TENM1: variants seen among roughly 807,000 people sequenced by gnomAD.
TENM1 encodes teneurin transmembrane protein 1.
A neutral mutation model predicts 174.8 loss-of-function variants in TENM1; 35 were observed. That is an observed-to-expected ratio of 0.20 (90% CI 0.15 to 0.27). The LOEUF is 0.27. TENM1 is among the 10% of genes least tolerant of loss of function. The pLI, the probability that TENM1 is intolerant of heterozygous loss-of-function variation, is 1.00. For missense variants in TENM1, 1,633 were observed against 2,130.1 expected (o/e 0.77, Z 4.59); for synonymous variants, 781 against 798.7 (o/e 0.98, Z 0.37).
chrX:124,830,498 G>T (rs1441255190), intron 3 of TENM1, among the ~76,000 whole-genome samples: 2 of 111,472 alleles, frequency 1.8e-5, no homozygotes, highest in Non-Finnish European at 3.8e-5. Flanking sequence ...ATTAGTTATG[G>T]CAATGGCCAC....
intron 11 of TENM1, among the ~76,000 whole-genome samples, chrX:124,641,084 G>A (rs996187282): frequency 1.8e-5 from 2 of 111,086 alleles, no homozygotes; most frequent in Non-Finnish European, 3.8e-5. Context: ...AAGTACAATA[G>A]CATCTCATGA....
chrX:125,073,742 CA>C, the TENM1 span, among the ~76,000 whole-genome samples: 1 of 111,276 alleles, frequency 9.0e-6, no homozygotes, highest in Non-Finnish European at 1.9e-5. Flanking sequence ...TCCAGTTTTT[CA>C]CTTCAAGGTC....
intron 5 of TENM1, among the ~76,000 whole-genome samples, chrX:124,691,281 T>A (rs2052514732): frequency 1.8e-5 from 2 of 111,545 alleles, no homozygotes; most frequent in African/African-American, 3.3e-5. Flanking sequence ...TGACTCTTCT[T>A]AAACTCTTAA....
the TENM1 span, among the ~76,000 whole-genome samples, chrX:125,058,608 G>A: frequency 2.1e-3 from 234 of 110,707 alleles, no homozygotes; most frequent in African/African-American, 7.1e-3. Context: ...CCTAATACTC[G>A]GACTACTAGA....
chrX:124,619,892 G>A (rs1021980281), intron 11 of TENM1, among the ~76,000 whole-genome samples: 3 of 111,688 alleles, frequency 2.7e-5, no homozygotes, highest in Non-Finnish European at 5.6e-5. Context: ...TACTCTGTCG[G>A]CATGGAACAA....
intron 4 of TENM1, among the ~76,000 whole-genome samples, chrX:124,732,137 T>C (rs1033491626): frequency 8.9e-5 from 10 of 112,155 alleles, no homozygotes; most frequent in African/African-American, 3.2e-4. Flanking sequence ...ATTTCCACTG[T>C]TATCTTCCAT....
Position 124,529,550 on chromosome X carries a change from T to C in TENM1, c.2771+314A>G, listed in dbSNP as rs1355833785. On this transcript the variant is annotated intron_variant, in intron 16 of 31. Coordinates refer to ENST00000422452, the Ensembl canonical transcript of TENM1. The stretch of plus-strand genomic sequence containing the variant: ...GGGGTTACTATGGAAAAATAGCCTA[T>C]GTGTTCCATAGCTCCTTATTTATCA... 2.7e-5 allele frequency among the ~76,000 whole-genome samples: 3 copies of C among 112,000 alleles called. No homozygotes were observed. The Admixed American group carries it at 2.8e-4, about 11-fold the overall frequency.
chrX:125,047,816 A>C, the TENM1 span, among the ~76,000 whole-genome samples: 1 of 111,617 alleles, frequency 9.0e-6, no homozygotes, highest in Admixed American at 9.5e-5. Context: ...ACTTAATGAG[A>C]ATTTTAAACT....
intron 11 of TENM1, among the ~76,000 whole-genome samples, chrX:124,589,352 TTTGTTG>T (rs200125468): frequency 0.23 from 24,520 of 104,443 alleles, 2,281 homozygotes; most frequent in South Asian, 0.39. Flanking sequence ...TGGCCTGTAG[TTTGTTG>T]TTGTTGTTGT....
intron 3 of TENM1, among the ~76,000 whole-genome samples, chrX:124,757,310 T>C (rs781176447): frequency 1.5e-4 from 17 of 112,558 alleles, no homozygotes; most frequent in Non-Finnish European, 1.1e-4. Flanking sequence ...GTGCGGGATA[T>C]AATCTCCTGG....
At chrX:124,628,203 C>T (rs1216586430) in intron 11 of TENM1, among the ~76,000 whole-genome samples, 2 of 111,259 alleles carry the variant, frequency 1.8e-5, no homozygotes, top group South Asian at 3.8e-4. Flanking sequence ...CTTTAATCCA[C>T]TTTGTCAATA....
intron 11 of TENM1, among the ~76,000 whole-genome samples, chrX:124,596,637 G>A (rs991233878): frequency 1.8e-5 from 2 of 111,623 alleles, no homozygotes; most frequent in Non-Finnish European, 3.8e-5. Flanking sequence ...CGTATGTGGC[G>A]ATGGGGAAAT....
chrX:124,939,972 T>A (rs1178405754), intron 1 of TENM1, among the ~76,000 whole-genome samples: 1 of 112,019 alleles, frequency 8.9e-6, no homozygotes, highest in African/African-American at 3.2e-5. Context: ...TACTAGAGTA[T>A]AAGCTCTTAA....
the TENM1 span, among the ~76,000 whole-genome samples, chrX:125,140,305 G>A: frequency 6.3e-5 from 7 of 111,895 alleles, no homozygotes; most frequent in Non-Finnish European, 1.1e-4. Context: ...GGAACTGGAG[G>A]TCATTATGTT....
chrX:124,566,399 C>G (rs2048942973), intron 11 of TENM1, among the ~76,000 whole-genome samples: 1 of 112,083 alleles, frequency 8.9e-6, no homozygotes, highest in African/African-American at 3.2e-5. Context: ...GTCCCTTTGA[C>G]TTTTTGTTGA....
chrX:124,558,363 A>T (rs2148151231), intron 14 of TENM1, among the ~76,000 whole-genome samples: 1 of 111,911 alleles, frequency 8.9e-6, no homozygotes, highest in Non-Finnish European at 1.9e-5. Context: ...GTAATCAGGT[A>T]GCAGCTACTT....
At chrX:124,588,911 T>C (rs1390257616) in intron 11 of TENM1, among the ~76,000 whole-genome samples, 1 of 110,312 alleles carries the variant, frequency 9.1e-6, no homozygotes, top group African/African-American at 3.3e-5. Flanking sequence ...GCCTAATTGC[T>C]GTGGCTAGCA....
At chrX:124,938,108 C>A (rs2058274025) in intron 1 of TENM1, among the ~76,000 whole-genome samples, 1 of 111,768 alleles carries the variant, frequency 8.9e-6, no homozygotes. Context: ...ACCCAGTCTC[C>A]TTAATATAAT....
At chrX:124,652,166 T>C in intron 7 of TENM1, 42 bp from the exon 11 acceptor site, 2 of 1,181,310 alleles carry the variant, frequency 1.7e-6, no homozygotes, top group Non-Finnish European at 2.3e-6. Flanking sequence ...CTACTTTTTC[T>C]TCTAGACTGA....
Sources: allele counts gnomAD v4.1 joint callset (sites outside exome capture counted in the v4.1 genomes callset), GRCh38; gene constraint gnomAD v4.1.1; transcripts MANE v1.5; gene names NCBI Gene and HGNC (gene_info 2026-07-23, HGNC 2026-07-21).